The following ATOSB variants were observed in gnomAD, a reference collection of about 807,000 sequenced individuals.
ATOSB encodes atos homolog B, also known as atos homolog protein B.
the ATOSB span, chr9:35,108,622 T>C: frequency 9.4e-7 from 1 of 1,064,242 alleles, no homozygotes; most frequent in Non-Finnish European, 1.1e-6. Flanking sequence ...AGCCTAGCTG[T>C]GCGTCCCCTC....
the ATOSB span, chr9:35,108,294 G>A: frequency 6.6e-7 from 1 of 1,526,386 alleles, no homozygotes; most frequent in Non-Finnish European, 8.7e-7. Flanking sequence ...CTTGGGTCAG[G>A]GGGGCCCCCC....
At chr9:35,105,499 C>A in the ATOSB span, 1 of 1,237,602 alleles carries the variant, frequency 8.1e-7, no homozygotes, top group Non-Finnish European at 1.1e-6. The surrounding 1 kb of genome is among the most constrained non-coding windows in gnomAD (Gnocchi z 5.5). Flanking sequence ...GGAGACCAGC[C>A]TAAGCAACAT....
At chr9:35,105,047 C>G in the ATOSB span, 1 of 646,168 alleles carries the variant, frequency 1.5e-6, no homozygotes, top group East Asian at 3.3e-5. This position sits in a 1 kb window ranked among gnomAD's most constrained non-coding sequence, Gnocchi z 5.5. Context: ...CGAAGTAGGG[C>G]AGGGTGTAGT....
chr9:35,105,278 G>A, the ATOSB span: 9 of 1,614,022 alleles, frequency 5.6e-6, no homozygotes, highest in Middle Eastern at 1.6e-4. This position sits in a 1 kb window ranked among gnomAD's most constrained non-coding sequence, Gnocchi z 5.5. Context: ...CCTGCAGTTC[G>A]TAGGGGAGCC....
At chr9:35,104,647 CTG>C in the ATOSB span, 1 of 427,886 alleles carries the variant, frequency 2.3e-6, no homozygotes, top group Non-Finnish European at 4.9e-6. Context: ...AGTGAAGGGA[CTG>C]GGGAAGGACA....
the ATOSB span, chr9:35,107,519 A>G: frequency 1.1e-5 from 17 of 1,600,962 alleles, no homozygotes; most frequent in Non-Finnish European, 1.4e-5. Context: ...CAGAGCTGAC[A>G]TCTGGGGCTT....
At chr9:35,106,509 C>T in the ATOSB span, 114 of 1,593,258 alleles carry the variant, frequency 7.2e-5, 1 homozygote, top group South Asian at 7.9e-4. The surrounding 1 kb of genome is among the most constrained non-coding windows in gnomAD (Gnocchi z 4.6). Flanking sequence ...CCCAGGACCC[C>T]GGCAATCACA....
chr9:35,113,716 T>TG, the ATOSB span, among the ~76,000 whole-genome samples: 1 of 151,686 alleles, frequency 6.6e-6, no homozygotes, highest in Non-Finnish European at 1.5e-5. Context: ...CCTGCTTTAT[T>TG]TTTTTTTATA....
the ATOSB span, among the ~76,000 whole-genome samples, chr9:35,114,254 C>A: frequency 1.3e-5 from 2 of 152,218 alleles, no homozygotes; most frequent in African/African-American, 4.8e-5. Context: ...CTGCCCTAGG[C>A]CCGCCCTCTC....
the ATOSB span, chr9:35,105,105 A>G: frequency 8.8e-7 from 1 of 1,141,838 alleles, no homozygotes; most frequent in Non-Finnish European, 1.2e-6. This position sits in a 1 kb window ranked among gnomAD's most constrained non-coding sequence, Gnocchi z 5.5. Flanking sequence ...GGGCGTGAGC[A>G]TGGTGAGGGC....
At chr9:35,110,668 G>A in the ATOSB span, 3 of 152,272 alleles carry the variant, frequency 2.0e-5, no homozygotes, top group Non-Finnish European at 4.4e-5. Context: ...TGGCTGGCAA[G>A]GACTACAGCT....
the ATOSB span, chr9:35,108,551 C>A: frequency 8.1e-7 from 1 of 1,227,364 alleles, no homozygotes; most frequent in Non-Finnish European, 1.0e-6. Context: ...TTAGCTCAGG[C>A]TTCTTACTGG....
the ATOSB span, chr9:35,105,692 G>A: frequency 6.2e-7 from 1 of 1,613,646 alleles, no homozygotes; most frequent in South Asian, 1.1e-5. The surrounding 1 kb of genome is among the most constrained non-coding windows in gnomAD (Gnocchi z 5.5). Context: ...CTGAGGTGCA[G>A]CAAGTAGCAG....
chr9:35,104,702 T>TAGCC, the ATOSB span: 1 of 320,402 alleles, frequency 3.1e-6, no homozygotes, highest in Non-Finnish European at 6.8e-6. Context: ...CCCTCTGGAA[T>TAGCC]AGCCCCTCTT....
chr9:35,106,594 TG>T, the ATOSB span: 1 of 1,566,894 alleles, frequency 6.4e-7, no homozygotes, highest in Non-Finnish European at 8.7e-7. This position sits in a 1 kb window ranked among gnomAD's most constrained non-coding sequence, Gnocchi z 4.6. Flanking sequence ...GGGGAGGCAC[TG>T]GGGGGGCTCA....
the ATOSB span, chr9:35,105,730 C>T: frequency 1.2e-6 from 2 of 1,613,984 alleles, no homozygotes; most frequent in South Asian, 1.1e-5. This position sits in a 1 kb window ranked among gnomAD's most constrained non-coding sequence, Gnocchi z 5.5. Context: ...GTTAGCATTT[C>T]CCTCCTCACC....
chr9:35,111,350 TC>T, the ATOSB span: 1 of 160,680 alleles, frequency 6.2e-6, no homozygotes, highest in East Asian at 1.8e-4. Context: ...TCCCCTTGGT[TC>T]CCCGGTCCTC....
the ATOSB span, among the ~76,000 whole-genome samples, chr9:35,114,216 C>G: frequency 6.6e-6 from 1 of 152,194 alleles, no homozygotes; most frequent in South Asian, 2.1e-4. Flanking sequence ...TCACACAAAC[C>G]GCCCCAGTCC....
At chr9:35,106,146 C>A in the ATOSB span, 1 of 1,541,352 alleles carries the variant, frequency 6.5e-7, no homozygotes, top group Non-Finnish European at 8.8e-7. This position sits in a 1 kb window ranked among gnomAD's most constrained non-coding sequence, Gnocchi z 4.6. Flanking sequence ...GGCCCTGACT[C>A]ACTTCTAGGT....
Sources: gnomAD v4.1 joint callset for allele counts (sites outside exome capture counted in the v4.1 genomes callset) on GRCh38, gnomAD v4.1.1 for gene constraint, Gnocchi (gnomAD v3.1) non-coding constraint, MANE v1.5 for transcripts, NCBI Gene and HGNC (gene_info 2026-07-23, HGNC 2026-07-21) for gene names.